WWOX: variants seen among roughly 807,000 people sequenced by gnomAD.
WWOX encodes the protein WW domain containing oxidoreductase, also known as WW domain-containing oxidoreductase.
Under a neutral mutation model 46.2 loss-of-function variants are expected in WWOX, and 69 were observed. That is an observed-to-expected ratio of 1.49 (90% CI 1.23 to 1.82). The LOEUF is 1.82. Among genes scored for constraint, WWOX ranks in the 40% most tolerant of loss-of-function variants. WWOX has a pLI of 0.00. For missense variants in WWOX, 919 were observed against 542.6 expected (o/e 1.69, Z -6.89); for synonymous variants, 359 against 202.6 (o/e 1.77, Z -6.56).
At chr16:78,754,116 T>C (rs1351914964) in intron 8 of WWOX, among the ~76,000 whole-genome samples, 5 of 152,020 alleles carry the variant, frequency 3.3e-5, no homozygotes, top group Non-Finnish European at 7.4e-5. Flanking sequence ...TATAAATGGA[T>C]TCCGCCAGGC....
chr16:78,633,738 C>T (rs2046496881), intron 8 of WWOX, among the ~76,000 whole-genome samples: 1 of 152,206 alleles, frequency 6.6e-6, no homozygotes, highest in Non-Finnish European at 1.5e-5. Flanking sequence ...TGGCTTTCTT[C>T]TCCGACTTAT....
chr16:78,423,657 G>A (rs772030834), intron 6 of WWOX, among the ~76,000 whole-genome samples: 1 of 151,764 alleles, frequency 6.6e-6, no homozygotes, highest in Non-Finnish European at 1.5e-5. Flanking sequence ...GGCAACATAG[G>A]GGGAGCCCAT....
At chr16:78,536,062 A>C (rs531766241) in intron 8 of WWOX, among the ~76,000 whole-genome samples, 1 of 152,276 alleles carries the variant, frequency 6.6e-6, no homozygotes, top group Non-Finnish European at 1.5e-5. Context: ...GTTTACAGCT[A>C]GTGTTTATAA....
At chr16:78,366,640 A>T (rs1322332025) in intron 5 of WWOX, among the ~76,000 whole-genome samples, 1 of 152,226 alleles carries the variant, frequency 6.6e-6, no homozygotes, top group East Asian at 1.9e-4. Context: ...CAGTTAATTT[A>T]TATCTCGTCT....
At chr16:78,998,389 C>T (rs982903125) in intron 8 of WWOX, among the ~76,000 whole-genome samples, 1 of 152,136 alleles carries the variant, frequency 6.6e-6, no homozygotes, top group Non-Finnish European at 1.5e-5. Context: ...CAGAGCAGAG[C>T]CTACTGCCTT....
intron 8 of WWOX, among the ~76,000 whole-genome samples, chr16:79,211,035 G>GTGTGTGTGTA (rs1491516860): frequency 0.048 from 14 of 290 alleles, no homozygotes; most frequent in African/African-American, 0.13. Flanking sequence ...ATGGTGAGGA[G>GTGTGTGTGTA]TGTGTGTGTG....
chr16:78,785,736 A>C (rs1465609249), intron 8 of WWOX, among the ~76,000 whole-genome samples: 1 of 152,214 alleles, frequency 6.6e-6, no homozygotes, highest in Non-Finnish European at 1.5e-5. Context: ...TTTATTAAGA[A>C]GTAAGGCAAA....
At chr16:78,818,264 AG>A (rs145779540) in intron 8 of WWOX, among the ~76,000 whole-genome samples, 39 of 152,302 alleles carry the variant, frequency 2.6e-4, no homozygotes, top group African/African-American at 8.7e-4. Context: ...TGCACATCAG[AG>A]CCCATCTACT....
At chr16:78,969,445 A>G (rs939698224) in intron 8 of WWOX, among the ~76,000 whole-genome samples, 15 of 151,714 alleles carry the variant, frequency 9.9e-5, no homozygotes, top group Admixed American at 2.0e-4. Flanking sequence ...CTAATTTTGT[A>G]TTTCTAGTAC....
At chr16:78,735,382 A>ATAC (rs1290431928) in intron 8 of WWOX, among the ~76,000 whole-genome samples, 41 of 131,910 alleles carry the variant, frequency 3.1e-4, no homozygotes, top group Non-Finnish European at 6.3e-4. Context: ...GATGTCATAC[A>ATAC]CACCACACAC....
intron 8 of WWOX, among the ~76,000 whole-genome samples, chr16:79,049,095 G>T: frequency 6.6e-6 from 1 of 152,342 alleles, no homozygotes; most frequent in South Asian, 2.1e-4. Flanking sequence ...GCAGTGGTCA[G>T]CAGACTGTTT....
chr16:78,589,453 T>C (rs1184789598), intron 8 of WWOX, among the ~76,000 whole-genome samples: 1 of 152,288 alleles, frequency 6.6e-6, no homozygotes, highest in East Asian at 1.9e-4. Context: ...ACTAGCTTTA[T>C]GTGGCTGGCA....
At chr16:78,198,552 C>T (rs2036129841) in intron 5 of WWOX, among the ~76,000 whole-genome samples, 1 of 152,136 alleles carries the variant, frequency 6.6e-6, no homozygotes, top group African/African-American at 2.4e-5. Flanking sequence ...ACAAAGGCAA[C>T]TTCTAGGAGA....
intron 8 of WWOX, among the ~76,000 whole-genome samples, chr16:78,790,242 G>C (rs2050559850): frequency 6.6e-6 from 1 of 152,040 alleles, no homozygotes; most frequent in Admixed American, 6.5e-5. Context: ...TCAGGTGATT[G>C]TCCTGCCTCA....
At chr16:78,604,115 G>C (rs1027445615) in intron 8 of WWOX, among the ~76,000 whole-genome samples, 5 of 152,122 alleles carry the variant, frequency 3.3e-5, no homozygotes, top group African/African-American at 1.2e-4. Flanking sequence ...CTGAATTCTA[G>C]CCTGGGTGAC....
chr16:78,274,330 C>G (rs2079538808), intron 5 of WWOX, among the ~76,000 whole-genome samples: 1 of 152,124 alleles, frequency 6.6e-6, no homozygotes, highest in South Asian at 2.1e-4. Context: ...AGCACTTTTT[C>G]TGTTTTTGAT....
At chr16:78,535,254 C>T (rs1392078609) in intron 8 of WWOX, 1 of 152,212 alleles carries the variant, frequency 6.6e-6, no homozygotes, top group Non-Finnish European at 1.5e-5. Flanking sequence ...CCATCAGAGT[C>T]TGAATGATCA....
intron 8 of WWOX, among the ~76,000 whole-genome samples, chr16:78,678,710 A>G (rs985491811): frequency 6.6e-6 from 1 of 152,192 alleles, no homozygotes; most frequent in South Asian, 2.1e-4. Context: ...AAGAGGGTCA[A>G]GATTTTGACG....
rs1229455843 is a variant in WWOX, at chr16:78,681,540, C to T, written c.1056+248788C>T. 6.0e-5 allele frequency among the ~76,000 whole-genome samples: 7 copies of T among 116,112 alleles called. No individual in the cohort carries two copies. In the East Asian group the frequency reaches 1.4e-3, roughly 23 times the overall value. The allele number at this position is 116,112 out of a possible 152,430, so 76.2% of individuals were successfully genotyped here. On this transcript the variant is annotated intron_variant, in intron 8 of 8. Transcript: ENST00000566780. Reference sequence around the variant, plus strand: ...GGCTCGTGCCACCCAAGATTTCCTCCATATACAAAAAAAAAAAAAGGAAAA... The same window carrying T: ...GGCTCGTGCCACCCAAGATTTCCTCTATATACAAAAAAAAAAAAAGGAAAA...
Sources: gnomAD v4.1 joint callset for allele counts (sites outside exome capture counted in the v4.1 genomes callset) on GRCh38, gnomAD v4.1.1 for gene constraint, MANE v1.5 for transcripts, NCBI Gene and HGNC (gene_info 2026-07-23, HGNC 2026-07-21) for gene names.